ANKRD30B: variants seen among roughly 807,000 people sequenced by gnomAD.
ANKRD30B encodes the protein ankyrin repeat domain 30B, also known as ankyrin repeat domain-containing protein 30B.
ANKRD30B carries 144 observed loss-of-function variants against 202.2 expected under a neutral mutation model. The observed-to-expected ratio is 0.71, with a 90% confidence interval of 0.62 to 0.82. ANKRD30B has a LOEUF of 0.82. Ranked by LOEUF, ANKRD30B falls within the 40% of genes least tolerant of loss-of-function variation. The probability of loss-of-function intolerance (pLI) is 0.00; values close to 1 mark genes in which losing one functional copy is unlikely to be tolerated. For synonymous variants in ANKRD30B, 508 were observed against 561.3 expected, an observed-to-expected ratio of 0.91 and a Z score of 1.34; for missense variants, 1,487 against 1,669.1, an observed-to-expected ratio of 0.89 and a Z score of 1.90.
chr18:14,834,978 G>A (rs1422702916), intron 34 of ANKRD30B, among the ~76,000 whole-genome samples: 1 of 151,648 alleles, frequency 6.6e-6, no homozygotes, highest in African/African-American at 2.4e-5. Flanking sequence ...TTTGGTTTCT[G>A]GTTTAAGATT....
chr18:14,748,279 G>A lies in ANKRD30B; in HGVS notation c.-141G>A, dbSNP rs563000426. 7 of 615,098 alleles carry A rather than the reference G, an allele frequency of 1.1e-5. No individual in the cohort carries two copies. The highest frequency in any genetic ancestry group is 7.4e-5 in the African/African-American group (4 of 53,758). 38.1% of individuals were successfully genotyped at this position (615,098 alleles called of 1,614,324 possible). A position where few individuals can be genotyped will look rare whatever the true frequency, so the allele number is the denominator to read the frequency against. The stretch of plus-strand genomic sequence containing the variant: ...TACAGAAATTTCTGCTGGTGTTGGG[G>A]CGGGTGCGGGAACTGAAGACGGGCG... On this transcript the variant is annotated 5_prime_UTR_variant, in exon 1 of 44. Transcript: ENST00000690538.
intron 6 of ANKRD30B, among the ~76,000 whole-genome samples, chr18:14,762,589 A>G (rs1378547560): frequency 6.6e-6 from 1 of 152,240 alleles, no homozygotes; most frequent in African/African-American, 2.4e-5. Context: ...ATGTTGTTCT[A>G]TCTACTGGAT....
chr18:14,793,905 A>G (rs1968697473), intron 16 of ANKRD30B, among the ~76,000 whole-genome samples: 1 of 152,096 alleles, frequency 6.6e-6, no homozygotes, highest in African/African-American at 2.4e-5. Context: ...AGAAAAAAAA[A>G]AAATCATAGT....
intron 14 of ANKRD30B, among the ~76,000 whole-genome samples, chr18:14,786,684 T>A (rs897394505): frequency 6.6e-6 from 1 of 152,170 alleles, no homozygotes; most frequent in Non-Finnish European, 1.5e-5. Flanking sequence ...ACTAAAAATT[T>A]ACAAAGAAAT....
At chr18:14,757,461 A>G in intron 4 of ANKRD30B, among the ~76,000 whole-genome samples, 1 of 152,228 alleles carries the variant, frequency 6.6e-6, no homozygotes, top group South Asian at 2.1e-4. Context: ...AAGCCTTCAG[A>G]TTGCTCTCTC....
intron 14 of ANKRD30B, among the ~76,000 whole-genome samples, chr18:14,785,172 A>G (rs1968004685): frequency 6.6e-6 from 1 of 152,220 alleles, no homozygotes; most frequent in Admixed American, 6.5e-5. Context: ...TTGGCTTTAG[A>G]GTCTTTTTAC....
intron 6 of ANKRD30B, among the ~76,000 whole-genome samples, chr18:14,763,059 A>G (rs527483637): frequency 1.3e-5 from 2 of 152,028 alleles, no homozygotes; most frequent in East Asian, 3.9e-4. Flanking sequence ...GTCATTTTTT[A>G]TTTGCTTCTT....
chr18:14,864,027 G>A, the ANKRD30B span, among the ~76,000 whole-genome samples: 1 of 152,150 alleles, frequency 6.6e-6, no homozygotes, highest in African/African-American at 2.4e-5. Context: ...CTCAATAGAT[G>A]CAGAAAAAAA....
In ANKRD30B at chr18:14,803,725, T is replaced by C. The variant is rs1969333333; in HGVS notation, c.2194-9T>C. 6.3e-7 allele frequency: 1 copy of C among 1,587,902 alleles called. No individual in the cohort carries two copies. The highest frequency in any genetic ancestry group is 8.6e-7 in the Non-Finnish European group (1 of 1,166,266). On this transcript the variant is annotated splice_polypyrimidine_tract_variant and intron_variant, in intron 23 of 43. Transcript: ENST00000690538. ...CATTGAAATTATTTATTGATATTAC[T>C]TTTAACAGAGTTTCCTTGAGACTCT...
At chr18:14,809,544 G>A (rs1363955226) in intron 26 of ANKRD30B, among the ~76,000 whole-genome samples, 3 of 150,724 alleles carry the variant, frequency 2.0e-5, no homozygotes, top group Admixed American at 2.0e-4. Context: ...CACCCCCCAT[G>A]CATCTGTTTA....
At chr18:14,840,999 G>A (rs528512677) in intron 37 of ANKRD30B, among the ~76,000 whole-genome samples, 8 of 152,222 alleles carry the variant, frequency 5.3e-5, no homozygotes, top group Admixed American at 1.3e-4. Flanking sequence ...AATGGAGAAT[G>A]GTAAAATAAA....
chr18:14,795,443 C>T (rs1968808791), intron 16 of ANKRD30B, among the ~76,000 whole-genome samples: 1 of 152,288 alleles, frequency 6.6e-6, no homozygotes, highest in Middle Eastern at 3.4e-3. Context: ...GAGATCCGCC[C>T]TCTTCAGGCG....
In ANKRD30B at chr18:14,803,781, T is replaced by C; in HGVS notation, c.2241T>C (p.Ala747=). ...AGAATGATGTGTGTTTACCCAAGGC[T>C]ACACATCAAAAAGAATTCGATACCT... The part of the protein sequence containing the change: ...LLQNDVCLPK[A]THQKEFDTLS... Residue 747 remains alanine (A), a synonymous_variant, in exon 24 of 44, where the codon GCT becomes GCC. Coordinates refer to ENST00000690538, the MANE Select transcript of ANKRD30B (RefSeq NM_001367607.2). The C allele has an allele frequency of 1.2e-6, 2 of 1,605,172 alleles. No individual in the cohort carries two copies. The highest frequency in any genetic ancestry group is 1.7e-6 in the Non-Finnish European group (2 of 1,177,972).
At chr18:14,890,076 C>G in the ANKRD30B span, 1 of 1,263,444 alleles carries the variant, frequency 7.9e-7, no homozygotes, top group Non-Finnish European at 1.1e-6. Flanking sequence ...TGCCACTGTC[C>G]TGATTTCCAT....
chr18:14,837,026 A>C, intron 34 of ANKRD30B, 185 bp from the exon 35 acceptor site: 1 of 471,092 alleles, frequency 2.1e-6, no homozygotes, highest in Non-Finnish European at 3.8e-6. Context: ...ATAAGCCAGA[A>C]TCTATCTTCC....
chr18:14,897,813 A>G, the ANKRD30B span, among the ~76,000 whole-genome samples: 2 of 152,258 alleles, frequency 1.3e-5, no homozygotes, highest in South Asian at 2.1e-4. Context: ...ACTAGCACCA[A>G]CTTTCTTGAA....
chr18:14,896,335 G>A, the ANKRD30B span, among the ~76,000 whole-genome samples: 1 of 152,080 alleles, frequency 6.6e-6, no homozygotes, highest in Non-Finnish European at 1.5e-5. Context: ...GTTTCACCGT[G>A]TTAGCCAGGA....
intron 34 of ANKRD30B, among the ~76,000 whole-genome samples, chr18:14,834,702 A>G (rs1464273919): frequency 2.0e-5 from 3 of 151,950 alleles, no homozygotes; most frequent in Non-Finnish European, 4.4e-5. Flanking sequence ...AGCATAAAGG[A>G]AAGATAAATA....
chr18:14,902,784 G>C, the ANKRD30B span, among the ~76,000 whole-genome samples: 1 of 152,228 alleles, frequency 6.6e-6, no homozygotes, highest in African/African-American at 2.4e-5. Context: ...CCCCTACTAG[G>C]TACCTTGGGT....
Sources: allele counts gnomAD v4.1 joint callset (sites outside exome capture counted in the v4.1 genomes callset), GRCh38; gene constraint gnomAD v4.1.1; transcripts MANE v1.5; gene names NCBI Gene and HGNC (gene_info 2026-07-23, HGNC 2026-07-21).